Variants in ME1 observed in about 807,000 individuals in gnomAD.
The protein encoded by ME1 is malic enzyme 1, also known as NADP-dependent malic enzyme.
ME1 carries 74 observed loss-of-function variants against 66.4 expected under a neutral mutation model. That is an observed-to-expected ratio of 1.11 (90% confidence interval 0.92 to 1.35). The LOEUF (loss-of-function observed/expected upper bound fraction) is 1.35, where lower values mean the gene tolerates loss of function less well. Among genes scored for constraint, ME1 ranks in the 40% most tolerant of loss-of-function variants. ME1 has a pLI of 0.00. For missense variants in ME1, 750 were observed against 694.1 expected, an observed-to-expected ratio of 1.08 and a Z score of -0.90; for synonymous variants, 251 against 235.6, an observed-to-expected ratio of 1.07 and a Z score of -0.60.
chr6:83,420,360 G>A (rs778729989), intron 1 of ME1, among the ~76,000 whole-genome samples: 4 of 152,126 alleles, frequency 2.6e-5, no homozygotes, highest in African/African-American at 7.2e-5. Flanking sequence ...AAGCCACTGC[G>A]CCCAGTCTGT....
intron 1 of ME1, among the ~76,000 whole-genome samples, chr6:83,417,368 T>TG (rs1291690385): frequency 7.2e-6 from 1 of 138,728 alleles, no homozygotes; most frequent in Non-Finnish European, 1.6e-5. Context: ...TTTTTGTTGT[T>TG]TTTTGTTGTT....
chr6:83,414,072 T>C (rs1770106638), intron 1 of ME1, among the ~76,000 whole-genome samples: 1 of 147,526 alleles, frequency 6.8e-6, no homozygotes, highest in East Asian at 2.0e-4. Flanking sequence ...GATCACACCA[T>C]TGCACTCCAG....
chr6:83,328,072 C>G (rs1159466701), intron 5 of ME1, among the ~76,000 whole-genome samples: 1 of 152,124 alleles, frequency 6.6e-6, no homozygotes, highest in Non-Finnish European at 1.5e-5. Context: ...AATCCAAATG[C>G]CCATCAATGT....
chr6:83,409,302 G>A (rs1022398599), intron 1 of ME1, among the ~76,000 whole-genome samples: 2 of 152,200 alleles, frequency 1.3e-5, no homozygotes, highest in Non-Finnish European at 2.9e-5. Context: ...AATCAACCTG[G>A]ATAGGTAAGA....
At chr6:83,388,505 C>A (rs1440994586) in intron 3 of ME1, among the ~76,000 whole-genome samples, 1 of 152,126 alleles carries the variant, frequency 6.6e-6, no homozygotes, top group African/African-American at 2.4e-5. Flanking sequence ...ACAATAACCA[C>A]CATTTGAGAA....
chr6:83,369,534 C>T (rs2128547030), intron 3 of ME1, among the ~76,000 whole-genome samples: 1 of 152,028 alleles, frequency 6.6e-6, no homozygotes, highest in South Asian at 2.1e-4. Flanking sequence ...AATGATCCTT[C>T]TATCTTCTAA....
intron 2 of ME1, among the ~76,000 whole-genome samples, chr6:83,406,020 C>T (rs182573675): frequency 2.0e-5 from 3 of 152,232 alleles, no homozygotes; most frequent in Admixed American, 6.5e-5. Context: ...CGCACCCGGC[C>T]AAGAGTTTTT....
chr6:83,236,916 T>A (rs1790410029), intron 9 of ME1, among the ~76,000 whole-genome samples: 1 of 152,036 alleles, frequency 6.6e-6, no homozygotes, highest in Non-Finnish European at 1.5e-5. Flanking sequence ...AAAACTAAAC[T>A]GGCCAAGTGC....
intron 3 of ME1, among the ~76,000 whole-genome samples, chr6:83,374,582 C>T (rs1769253318): frequency 1.3e-5 from 2 of 152,176 alleles, no homozygotes; most frequent in Non-Finnish European, 2.9e-5. Context: ...TTTTGCTGTG[C>T]AGAAGCTCTT....
At chr6:83,308,710 A>G (rs781045656) in intron 6 of ME1, among the ~76,000 whole-genome samples, 20 of 151,412 alleles carry the variant, frequency 1.3e-4, no homozygotes, top group Non-Finnish European at 8.8e-5. Flanking sequence ...AACTAGGGAT[A>G]TGGCAGTGGA....
At chr6:83,357,935 C>CTCTCTCTATATA (rs1447805761) in intron 3 of ME1, among the ~76,000 whole-genome samples, 3 of 30,040 alleles carry the variant, frequency 1.0e-4, no homozygotes, top group Admixed American at 7.2e-4. Flanking sequence ...CTCTCTCTCT[C>CTCTCTCTATATA]TATATATATA....
At chr6:83,340,773 G>C (rs1768564605) in intron 5 of ME1, among the ~76,000 whole-genome samples, 1 of 151,924 alleles carries the variant, frequency 6.6e-6, no homozygotes, top group Non-Finnish European at 1.5e-5. Flanking sequence ...CTCTGGGACA[G>C]TTTATATAGC....
chr6:83,426,824 T>A (rs1194507109), intron 1 of ME1, among the ~76,000 whole-genome samples: 1 of 152,238 alleles, frequency 6.6e-6, no homozygotes, highest in Non-Finnish European at 1.5e-5. Flanking sequence ...TTTGGAGATT[T>A]ACTTATGGGT....
At chr6:83,375,934 C>T (rs922312945) in intron 3 of ME1, among the ~76,000 whole-genome samples, 1 of 151,860 alleles carries the variant, frequency 6.6e-6, no homozygotes, top group Admixed American at 6.6e-5. Flanking sequence ...TGCCCAACAC[C>T]AGAACTTAAT....
At chr6:83,259,853 A>C (rs908305391) in intron 6 of ME1, among the ~76,000 whole-genome samples, 2 of 152,208 alleles carry the variant, frequency 1.3e-5, no homozygotes, top group Admixed American at 1.3e-4. Context: ...TGACAGTAGA[A>C]ATGATGAAGA....
chr6:83,257,350 G>A (rs1277119520), intron 6 of ME1, among the ~76,000 whole-genome samples: 1 of 151,814 alleles, frequency 6.6e-6, no homozygotes, highest in African/African-American at 2.4e-5. Context: ...GTAAAATGTA[G>A]GGAAATACAA....
Position 83,327,669 on chromosome 6 carries a change from C to CGGTCCTGT in ME1, c.601-12264_601-12257dup, listed in dbSNP as rs1469852850. ...TTCATTAGCAATTTTAATTTCGCCT[C>CGGTCCTGT]GGTCCTGTGGTCCTGTGATCTCACC... On this transcript the variant is annotated intron_variant, in intron 5 of 13. Coordinates refer to ENST00000369705, the MANE Select transcript of ME1 (RefSeq NM_002395.6). 1.3e-4 allele frequency among the ~76,000 whole-genome samples: 20 copies of CGGTCCTGT among 152,296 alleles called. No homozygotes were observed. The East Asian group carries it at 3.5e-3, about 26-fold the overall frequency.
At chr6:83,253,483 A>G in intron 7 of ME1, 146 bp downstream of exon 7, 1 of 493,184 alleles carries the variant, frequency 2.0e-6, no homozygotes, top group Non-Finnish European at 3.7e-6. Context: ...ATGCAACTAG[A>G]TGAGAAATAG....
chr6:83,282,514 C>T (rs1767317763), intron 6 of ME1, among the ~76,000 whole-genome samples: 1 of 152,192 alleles, frequency 6.6e-6, no homozygotes, highest in African/African-American at 2.4e-5. Flanking sequence ...GAAAAAAGCT[C>T]ATCATCACTG....
Sources: gnomAD v4.1 joint callset for allele counts (sites outside exome capture counted in the v4.1 genomes callset) on GRCh38, gnomAD v4.1.1 for gene constraint, MANE v1.5 for transcripts, NCBI Gene and HGNC (gene_info 2026-07-23, HGNC 2026-07-21) for gene names.